Variants in RBFOX1 observed in about 807,000 individuals in gnomAD.
RBFOX1 encodes RNA binding protein fox-1 homolog 1.
RBFOX1 carries 8 observed loss-of-function variants against 57.7 expected under a neutral mutation model. The observed-to-expected ratio is 0.14, with a 90% CI of 0.08 to 0.25. The LOEUF is 0.25. RBFOX1 is among the 10% of genes least tolerant of loss of function. The pLI is 1.00. For missense variants in RBFOX1, 611 were observed against 548.5 expected, an observed-to-expected ratio of 1.11 and a Z score of -1.14; for synonymous variants, 326 against 222.4, an observed-to-expected ratio of 1.47 and a Z score of -4.15.
chr16:5,987,268 T>A (rs1005532767), intron 4 of RBFOX1, among the ~76,000 whole-genome samples: 1 of 152,232 alleles, frequency 6.6e-6, no homozygotes, highest in Non-Finnish European at 1.5e-5. Context: ...ATTTTTATAT[T>A]CTGGATATTA....
chr16:5,500,057 C>G (rs1293614692), intron 2 of RBFOX1, among the ~76,000 whole-genome samples: 1 of 152,084 alleles, frequency 6.6e-6, no homozygotes, highest in Non-Finnish European at 1.5e-5. Flanking sequence ...GAGGTCTACT[C>G]TCTCCTAATC....
chr16:7,003,021 T>TC (rs1298276203), intron 3 of RBFOX1, among the ~76,000 whole-genome samples: 6 of 141,712 alleles, frequency 4.2e-5, no homozygotes, highest in African/African-American at 1.6e-4. Context: ...TGGTCTTTTT[T>TC]TTTCTTCTTC....
At chr16:6,946,852 T>C (rs536328765) in intron 3 of RBFOX1, among the ~76,000 whole-genome samples, 1 of 152,292 alleles carries the variant, frequency 6.6e-6, no homozygotes, top group East Asian at 1.9e-4. Flanking sequence ...CAAGCAATCC[T>C]CCTGCCTTGG....
chr16:6,053,092 G>A (rs2095573173), intron 1 of RBFOX1, among the ~76,000 whole-genome samples: 1 of 152,028 alleles, frequency 6.6e-6, no homozygotes, highest in South Asian at 2.1e-4. Flanking sequence ...TCTCATCTTA[G>A]CAATTCTTCC....
chr16:7,582,391 G>A (rs2093841448), intron 6 of RBFOX1, among the ~76,000 whole-genome samples: 1 of 152,076 alleles, frequency 6.6e-6, no homozygotes, highest in South Asian at 2.1e-4. Context: ...AAAGTGCCAG[G>A]AACATACAGA....
At chr16:5,855,747 C>T (rs1284137200) in intron 3 of RBFOX1, among the ~76,000 whole-genome samples, 2 of 151,854 alleles carry the variant, frequency 1.3e-5, no homozygotes, top group East Asian at 1.9e-4. Context: ...GTTGTTTTTT[C>T]TATTTCTTTG....
intron 3 of RBFOX1, among the ~76,000 whole-genome samples, chr16:5,739,364 C>T (rs1434515758): frequency 1.3e-5 from 2 of 152,198 alleles, no homozygotes; most frequent in Admixed American, 1.3e-4. Flanking sequence ...ACCGGTAATA[C>T]AGCTGTGAAT....
intron 1 of RBFOX1, among the ~76,000 whole-genome samples, chr16:5,349,040 G>A (rs1596608760): frequency 1.3e-5 from 2 of 152,302 alleles, no homozygotes; most frequent in African/African-American, 2.4e-5. Context: ...CATCCAAAAT[G>A]TGCAGGGGCT....
intron 2 of RBFOX1, among the ~76,000 whole-genome samples, chr16:6,537,593 A>G (rs1420060): frequency 0.015 from 2,259 of 152,292 alleles, 55 homozygotes; most frequent in African/African-American, 0.051. Context: ...ACGCTGAAGT[A>G]TCTGTACTGC....
At chr16:5,362,520 G>T (rs979092047) in intron 1 of RBFOX1, among the ~76,000 whole-genome samples, 3 of 152,078 alleles carry the variant, frequency 2.0e-5, no homozygotes, top group African/African-American at 7.2e-5. Flanking sequence ...GCGCCAACAC[G>T]CTTGGCTAAT....
At position 6,584,407 on chromosome 16, in the gene RBFOX1, A is replaced by G. The variant is rs936259048; in HGVS notation, c.-63-70196A>G. On this transcript the variant is annotated intron_variant, in intron 2 of 15. Coordinates refer to ENST00000550418, the MANE Select transcript of RBFOX1 (RefSeq NM_018723.4). ...TATTGAGACATGGTCTTGCTCTTTC[A>G]CCCAGGCTAGAGTGCAGTGGCATGA... 2.0e-5 allele frequency among the ~76,000 whole-genome samples: 3 copies of G among 149,486 alleles called. No individual in the cohort carries two copies. In the Admixed American group the frequency reaches 2.0e-4, roughly 10 times the overall value.
chr16:6,750,862 T>C (rs552913870), intron 3 of RBFOX1, among the ~76,000 whole-genome samples: 111 of 152,256 alleles, frequency 7.3e-4, no homozygotes, highest in African/African-American at 2.6e-3. Flanking sequence ...ACCAGGAAGC[T>C]GAAATAGTGA....
intron 4 of RBFOX1, among the ~76,000 whole-genome samples, chr16:7,383,208 G>C (rs1047399995): frequency 6.6e-6 from 1 of 150,942 alleles, no homozygotes; most frequent in Non-Finnish European, 1.5e-5. Flanking sequence ...TGGCATGCCT[G>C]TATCAAAACA....
intron 3 of RBFOX1, among the ~76,000 whole-genome samples, chr16:6,659,177 G>A (rs1010291517): frequency 2.0e-5 from 3 of 152,074 alleles, no homozygotes; most frequent in Non-Finnish European, 2.9e-5. Flanking sequence ...AGATTCAGGT[G>A]ATGAGAGGAG....
intron 2 of RBFOX1, among the ~76,000 whole-genome samples, chr16:6,341,398 G>A (rs2084553304): frequency 6.6e-6 from 1 of 152,084 alleles, no homozygotes; most frequent in African/African-American, 2.4e-5. Context: ...AAAGGAGGTT[G>A]AGACTTCCTG....
chr16:6,784,192 G>A (rs763415964), intron 3 of RBFOX1, among the ~76,000 whole-genome samples: 1 of 151,810 alleles, frequency 6.6e-6, no homozygotes, highest in Non-Finnish European at 1.5e-5. Context: ...TTATTTTTTT[G>A]AATAAACTTT....
chr16:5,894,221 A>G (rs2058107199), intron 4 of RBFOX1, among the ~76,000 whole-genome samples: 1 of 152,168 alleles, frequency 6.6e-6, no homozygotes, highest in Non-Finnish European at 1.5e-5. Context: ...TACTTTACTT[A>G]TTTTTTAAAT....
At chr16:7,025,010 G>A (rs2040462628) in intron 3 of RBFOX1, among the ~76,000 whole-genome samples, 1 of 152,120 alleles carries the variant, frequency 6.6e-6, no homozygotes, top group Non-Finnish European at 1.5e-5. Flanking sequence ...GCAAGGGGCT[G>A]GATCCCGACC....
rs377616030 is a variant in RBFOX1 at position 6,816,936 on chromosome 16, G to T, written c.-16+162286G>T. Among the ~76,000 whole-genome samples the T allele has an allele frequency of 1.1e-4, 16 of 151,990 alleles. 1 individual carries two copies. Among genetic ancestry groups the T allele is most frequent in the African/African-American group, 3.9e-4 (16 of 41,484 alleles). ...TTTTTTTTGTATTTTTTGGAGAGAT[G>T]GGGTCTTAACTGAGTTGCCCAGGGT... On this transcript the variant is annotated intron_variant, in intron 3 of 15. Transcript: ENST00000550418.
Sources: allele counts gnomAD v4.1 joint callset (sites outside exome capture counted in the v4.1 genomes callset), GRCh38; gene constraint gnomAD v4.1.1; transcripts MANE v1.5; gene names NCBI Gene and HGNC (gene_info 2026-07-23, HGNC 2026-07-21).